GRXCR1: variants seen among roughly 807,000 people sequenced by gnomAD.
The protein encoded by GRXCR1 is glutaredoxin and cysteine rich domain containing 1.
In GRXCR1, 27 loss-of-function variants were observed where a neutral mutation model predicts 27.3. The ratio of observed to expected loss-of-function variants is 0.99; its 90% CI spans 0.73 to 1.37. The LOEUF (loss-of-function observed/expected upper bound fraction) is 1.37, where lower values mean the gene tolerates loss of function less well. GRXCR1 is among the 40% of genes most tolerant of loss of function. The pLI is 0.00. For missense variants in GRXCR1, 379 were observed against 354.4 expected (o/e 1.07, Z -0.56); for synonymous variants, 122 against 131.1 (o/e 0.93, Z 0.47).
chr4:43,024,044 C>A (rs969827670), intron 3 of GRXCR1, among the ~76,000 whole-genome samples: 1 of 152,016 alleles, frequency 6.6e-6, no homozygotes, highest in Non-Finnish European at 1.5e-5. Flanking sequence ...AGATATATTA[C>A]CATACCACTG....
intron 1 of GRXCR1, among the ~76,000 whole-genome samples, chr4:42,927,843 A>G (rs1416060625): frequency 2.0e-5 from 3 of 151,936 alleles, no homozygotes; most frequent in Non-Finnish European, 4.4e-5. Context: ...TTCCCTAGAC[A>G]AGAACTTGTG....
intron 3 of GRXCR1, among the ~76,000 whole-genome samples, chr4:43,026,755 T>C (rs1471163595): frequency 1.3e-5 from 2 of 152,194 alleles, no homozygotes; most frequent in Non-Finnish European, 2.9e-5. Context: ...AAAACCAGCT[T>C]AGAGGCTGTG....
At chr4:42,979,579 A>G (rs1289660746) in intron 2 of GRXCR1, among the ~76,000 whole-genome samples, 1 of 152,072 alleles carries the variant, frequency 6.6e-6, no homozygotes, top group Non-Finnish European at 1.5e-5. Context: ...ATGTACTTGT[A>G]TCAGAAATAT....
intron 1 of GRXCR1, among the ~76,000 whole-genome samples, chr4:42,930,050 T>C (rs749908582): frequency 2.0e-5 from 3 of 151,988 alleles, no homozygotes; most frequent in Non-Finnish European, 2.9e-5. Flanking sequence ...CTCAGTAGAT[T>C]CTCTCTGTCC....
intron 1 of GRXCR1, among the ~76,000 whole-genome samples, chr4:42,922,659 G>C (rs919833913): frequency 6.6e-6 from 1 of 152,142 alleles, no homozygotes; most frequent in Non-Finnish European, 1.5e-5. Context: ...ACCCAGTTCT[G>C]AGGGAGCAGT....
chr4:43,025,319 C>A (rs1002271595), intron 3 of GRXCR1, among the ~76,000 whole-genome samples: 1 of 152,180 alleles, frequency 6.6e-6, no homozygotes, highest in Admixed American at 6.5e-5. Flanking sequence ...ACTAGGAAAG[C>A]AGAGAAGTGT....
intron 2 of GRXCR1, among the ~76,000 whole-genome samples, chr4:42,995,742 T>A (rs966561686): frequency 1.3e-5 from 2 of 152,310 alleles, no homozygotes; most frequent in South Asian, 2.1e-4. Context: ...TATTTTAAAT[T>A]TTTATGTTTT....
chr4:42,914,481 GT>G (rs1175351343), intron 1 of GRXCR1, among the ~76,000 whole-genome samples: 1 of 152,176 alleles, frequency 6.6e-6, no homozygotes, highest in African/African-American at 2.4e-5. Context: ...TGGAGTGGCT[GT>G]ATTTACCCAG....
At chr4:42,931,232 TA>T (rs1473159933) in intron 1 of GRXCR1, among the ~76,000 whole-genome samples, 1 of 152,138 alleles carries the variant, frequency 6.6e-6, no homozygotes, top group South Asian at 2.1e-4. Context: ...CTTCAATAAG[TA>T]AAATGTACAG....
intron 2 of GRXCR1, among the ~76,000 whole-genome samples, chr4:42,987,460 T>C (rs867051793): frequency 8.6e-5 from 13 of 151,426 alleles, no homozygotes; most frequent in Non-Finnish European, 1.5e-4. Context: ...AATTTTATTT[T>C]TTGTAGAGAC....
chr4:42,943,585 T>G (rs1350824615), intron 1 of GRXCR1, among the ~76,000 whole-genome samples: 1 of 152,052 alleles, frequency 6.6e-6, no homozygotes, highest in Non-Finnish European at 1.5e-5. Flanking sequence ...AGGGAGCATC[T>G]AGAGCACGGA....
Position 43,030,417 on chromosome 4 carries a change from C to G in GRXCR1, c.750C>G (p.Cys250Trp), listed in dbSNP as rs1327018988. 5 of 1,613,884 alleles carry G rather than the reference C, an allele frequency of 3.1e-6. No homozygotes were observed. Among genetic ancestry groups the G allele is most frequent in the Non-Finnish European group, 1.7e-6 (2 of 1,179,934 alleles). The change falls in exon 4 of 4, where the codon TGC (cysteine) becomes TGG (tryptophan). Residue 250 changes from cysteine to tryptophan, a missense_variant. Physicochemically the swap from Cys to Trp is radical, Grantham distance 215. Transcript: ENST00000399770. ...PSCGGFGFLP[C>W]SVCHGSKMSM... is the part of the protein sequence containing the mutation. ...GTGGAGGCTTTGGCTTTCTTCCATG[C>G]TCCGTGTGCCATGGGAGCAAGATGT...
intron 1 of GRXCR1, among the ~76,000 whole-genome samples, chr4:42,900,439 A>G (rs143432286): frequency 1.1e-3 from 175 of 152,314 alleles, no homozygotes; most frequent in African/African-American, 4.1e-3. Context: ...AATAAAGTAA[A>G]TAATAGGAGT....
intron 1 of GRXCR1, among the ~76,000 whole-genome samples, chr4:42,923,333 C>T (rs1747065783): frequency 6.6e-6 from 1 of 152,086 alleles, no homozygotes; most frequent in Non-Finnish European, 1.5e-5. Context: ...TGTTGACCCA[C>T]AATTATTAGG....
chr4:42,980,878 ATTTC>A (rs2109784674), intron 2 of GRXCR1, among the ~76,000 whole-genome samples: 1 of 150,818 alleles, frequency 6.6e-6, no homozygotes, highest in Non-Finnish European at 1.5e-5. Context: ...ATCTTTCAAT[ATTTC>A]TTTATCAGTC....
At chr4:43,024,883 A>C (rs1713205484) in intron 3 of GRXCR1, among the ~76,000 whole-genome samples, 1 of 152,170 alleles carries the variant, frequency 6.6e-6, no homozygotes, top group South Asian at 2.1e-4. Flanking sequence ...TATGGGTAAT[A>C]CTGCTTCATA....
chr4:42,925,413 G>A (rs1747137414), intron 1 of GRXCR1, among the ~76,000 whole-genome samples: 1 of 151,890 alleles, frequency 6.6e-6, no homozygotes, highest in African/African-American at 2.4e-5. Context: ...AAGAAGTGAG[G>A]CATTTTATAA....
intron 1 of GRXCR1, among the ~76,000 whole-genome samples, chr4:42,938,054 A>T (rs1240175579): frequency 3.3e-5 from 5 of 151,976 alleles, no homozygotes; most frequent in Non-Finnish European, 7.4e-5. Flanking sequence ...CTCACTGACC[A>T]TCCAAATTTC....
intron 1 of GRXCR1, among the ~76,000 whole-genome samples, chr4:42,920,205 G>A (rs1450594395): frequency 1.3e-5 from 2 of 152,118 alleles, no homozygotes; most frequent in African/African-American, 2.4e-5. Flanking sequence ...TCAGCAATTG[G>A]CAAGGTGAAG....
Sources: gnomAD v4.1 joint callset for allele counts (sites outside exome capture counted in the v4.1 genomes callset) on GRCh38, gnomAD v4.1.1 for gene constraint, MANE v1.5 for transcripts, NCBI Gene and HGNC (gene_info 2026-07-23, HGNC 2026-07-21) for gene names.